Variants in ZNRF2 observed in about 807,000 individuals in gnomAD.
ZNRF2 encodes the protein zinc and ring finger 2.
In ZNRF2, 16 loss-of-function variants were observed where a neutral mutation model predicts 20.4. That is an observed-to-expected ratio of 0.79 (90% CI 0.53 to 1.19). The LOEUF (loss-of-function observed/expected upper bound fraction) is 1.19, where lower values mean the gene tolerates loss of function less well. Ranked by LOEUF, ZNRF2 falls within the 50% of genes most tolerant of loss-of-function variation. ZNRF2 has a pLI of 0.00. For missense variants in ZNRF2, 363 were observed against 332.4 expected (o/e 1.09, Z -0.72); for synonymous variants, 178 against 144.9 (o/e 1.23, Z -1.64).
chr7:30,335,088 G>A (rs1246784378), intron 2 of ZNRF2, among the ~76,000 whole-genome samples: 1 of 152,110 alleles, frequency 6.6e-6, no homozygotes, highest in Non-Finnish European at 1.5e-5. Flanking sequence ...TAGAAAGCCT[G>A]AAGTAGGATT....
intron 3 of ZNRF2, among the ~76,000 whole-genome samples, chr7:30,356,699 A>ATTTTTT (rs139265962): frequency 1.4e-5 from 1 of 73,226 alleles, no homozygotes; most frequent in Non-Finnish European, 2.6e-5. Flanking sequence ...ATAACATTGT[A>ATTTTTT]TTTTTTTTTT....
At chr7:30,341,431 G>A (rs758111557) in intron 2 of ZNRF2, among the ~76,000 whole-genome samples, 15 of 152,048 alleles carry the variant, frequency 9.9e-5, no homozygotes, top group African/African-American at 2.2e-4. Context: ...ATTCCAGTAC[G>A]TTGTGTTTTT....
chr7:30,297,279 T>A (rs565465948), intron 1 of ZNRF2, among the ~76,000 whole-genome samples: 49 of 152,334 alleles, frequency 3.2e-4, no homozygotes, highest in Middle Eastern at 3.4e-3. Flanking sequence ...TTGATTATCC[T>A]ATGAGATCTG....
intron 1 of ZNRF2, among the ~76,000 whole-genome samples, chr7:30,302,323 C>T (rs1799130653): frequency 6.6e-6 from 1 of 152,184 alleles, no homozygotes; most frequent in Admixed American, 6.5e-5. Flanking sequence ...TCTCTAATAT[C>T]ATGCATAGTC....
intron 1 of ZNRF2, among the ~76,000 whole-genome samples, chr7:30,293,167 T>C (rs778504400): frequency 3.3e-5 from 5 of 152,146 alleles, no homozygotes; most frequent in Non-Finnish European, 5.9e-5. Context: ...TCGTTGTTCC[T>C]TATGGTTGAG....
At chr7:30,299,407 G>A (rs1161900147) in intron 1 of ZNRF2, among the ~76,000 whole-genome samples, 3 of 141,858 alleles carry the variant, frequency 2.1e-5, no homozygotes, top group Admixed American at 7.1e-5. Context: ...CAACAAGGGC[G>A]AAACTATGTC....
intron 1 of ZNRF2, among the ~76,000 whole-genome samples, chr7:30,319,360 T>C (rs1209742761): frequency 6.6e-6 from 1 of 152,186 alleles, no homozygotes. Flanking sequence ...GCATTATATA[T>C]ACATTATAAT....
intron 1 of ZNRF2, among the ~76,000 whole-genome samples, chr7:30,300,551 T>C (rs1583569455): frequency 6.6e-6 from 1 of 152,250 alleles, no homozygotes; most frequent in South Asian, 2.1e-4. Flanking sequence ...TCCTGTTTTA[T>C]CTATTCTTTA....
intron 2 of ZNRF2, among the ~76,000 whole-genome samples, chr7:30,329,043 A>C (rs541485478): frequency 6.6e-6 from 1 of 152,208 alleles, no homozygotes; most frequent in Non-Finnish European, 1.5e-5. Flanking sequence ...TGAATCTAAT[A>C]CAAATTTTAT....
chr7:30,310,770 G>C (rs1354194179), intron 1 of ZNRF2, among the ~76,000 whole-genome samples: 1 of 152,092 alleles, frequency 6.6e-6, no homozygotes, highest in African/African-American at 2.4e-5. Context: ...TGGCATACAG[G>C]ACTGAATGTG....
At chr7:30,301,645 T>C (rs138261781) in intron 1 of ZNRF2, among the ~76,000 whole-genome samples, 3 of 151,804 alleles carry the variant, frequency 2.0e-5, no homozygotes, top group Non-Finnish European at 4.4e-5. Flanking sequence ...CCTTCATCTT[T>C]TGCTTTCTTG....
chr7:30,320,324 T>C (rs1179734016), intron 1 of ZNRF2, among the ~76,000 whole-genome samples: 2 of 152,122 alleles, frequency 1.3e-5, no homozygotes, highest in Admixed American at 1.3e-4. Context: ...AAGATAACTA[T>C]ACAGAGAGAG....
chr7:30,308,012 C>A (rs1037949789), intron 1 of ZNRF2, among the ~76,000 whole-genome samples: 1 of 152,172 alleles, frequency 6.6e-6, no homozygotes, highest in Non-Finnish European at 1.5e-5. Flanking sequence ...AGTGCCAACA[C>A]TCCAGAAATC....
At chr7:30,350,859 A>G (rs1251808771) in intron 2 of ZNRF2, among the ~76,000 whole-genome samples, 1 of 152,054 alleles carries the variant, frequency 6.6e-6, no homozygotes, top group Non-Finnish European at 1.5e-5. Flanking sequence ...GATCCATAAT[A>G]GCGCTTGGCG....
At chr7:30,303,351 C>G (rs147071562) in intron 1 of ZNRF2, among the ~76,000 whole-genome samples, 52 of 152,120 alleles carry the variant, frequency 3.4e-4, no homozygotes, top group African/African-American at 1.2e-3. Flanking sequence ...TAATTTGACC[C>G]CTTTTTAAAA....
At chr7:30,342,994 T>C (rs963740140) in intron 2 of ZNRF2, among the ~76,000 whole-genome samples, 2 of 152,142 alleles carry the variant, frequency 1.3e-5, no homozygotes, top group Admixed American at 6.6e-5. Flanking sequence ...ATTACTGTTT[T>C]CTTTGTGGTT....
chr7:30,329,484 C>G (rs942427158), intron 2 of ZNRF2, among the ~76,000 whole-genome samples: 3 of 152,152 alleles, frequency 2.0e-5, no homozygotes, highest in African/African-American at 4.8e-5. Flanking sequence ...TCATTCTTCT[C>G]TCTGTCTCCA....
chr7:30,314,387 G>A (rs1006424420), intron 1 of ZNRF2, among the ~76,000 whole-genome samples: 3 of 152,044 alleles, frequency 2.0e-5, no homozygotes, highest in Non-Finnish European at 4.4e-5. Flanking sequence ...TGTCAGTGGT[G>A]GCCCACTGTT....
intron 2 of ZNRF2, among the ~76,000 whole-genome samples, chr7:30,342,166 C>T (rs1235127446): frequency 6.6e-6 from 1 of 151,286 alleles, no homozygotes; most frequent in African/African-American, 2.4e-5. Flanking sequence ...ACTGATGGGT[C>T]TTGACTCTTT....
Sources: allele counts gnomAD v4.1 joint callset (sites outside exome capture counted in the v4.1 genomes callset), GRCh38; gene constraint gnomAD v4.1.1; transcripts MANE v1.5; gene names NCBI Gene and HGNC (gene_info 2026-07-23, HGNC 2026-07-21).